RALYL: variants seen among roughly 807,000 people sequenced by gnomAD.
The protein encoded by RALYL is RNA-binding Raly-like protein.
Under a neutral mutation model 35.1 loss-of-function variants are expected in RALYL, and 29 were observed. That is an observed-to-expected ratio of 0.83 (90% CI 0.61 to 1.13). The LOEUF (loss-of-function observed/expected upper bound fraction) is 1.13, where lower values mean the gene tolerates loss of function less well. Among genes scored for constraint, RALYL ranks in the 50% most tolerant of loss-of-function variants. The pLI, the probability that RALYL is intolerant of heterozygous loss-of-function variation, is 0.00. For missense variants in RALYL, 359 were observed against 360.4 expected (o/e 1.00, Z 0.03); for synonymous variants, 120 against 127.6 (o/e 0.94, Z 0.40).
chr8:84,888,242 C>T (rs1843237878), intron 8 of RALYL, among the ~76,000 whole-genome samples: 2 of 152,146 alleles, frequency 1.3e-5, no homozygotes, highest in Non-Finnish European at 2.9e-5. Context: ...TGGTAGATGG[C>T]CAGTTCATCA....
chr8:84,529,561 C>T lies in RALYL; in HGVS notation c.240C>T (p.Ile80=), dbSNP rs760385260. Residue 80 remains isoleucine (I), a synonymous_variant, in exon 2 of 9, where the codon ATC becomes ATT. Coordinates refer to ENST00000521268, the MANE Select transcript of RALYL (RefSeq NM_173848.7). The part of the protein sequence containing the change: ...AAVAGENARV[I]AGQPLDINMA... ...TGGCTGGAGAAAATGCCAGAGTCATCGCCGGCCAACCACTTGGTAAGTCAT... is the reference window on the plus strand; with the variant it reads ...TGGCTGGAGAAAATGCCAGAGTCATTGCCGGCCAACCACTTGGTAAGTCAT... The T allele has an allele frequency of 1.8e-5, 29 of 1,607,100 alleles. No individual in the cohort carries two copies. The highest frequency in any genetic ancestry group is 1.8e-4 in the South Asian group (16 of 90,976).
chr8:84,727,073 G>C (rs950462371), intron 2 of RALYL, among the ~76,000 whole-genome samples: 8 of 152,206 alleles, frequency 5.3e-5, no homozygotes, highest in Admixed American at 3.9e-4. Flanking sequence ...AGAATGAAGA[G>C]GGGTTAAGTT....
At chr8:84,755,262 A>G (rs1811097733) in intron 2 of RALYL, among the ~76,000 whole-genome samples, 1 of 152,176 alleles carries the variant, frequency 6.6e-6, no homozygotes, top group Non-Finnish European at 1.5e-5. Context: ...ATGTCTCACA[A>G]ACCAAATAGC....
intron 1 of RALYL, among the ~76,000 whole-genome samples, chr8:84,517,506 A>G (rs1253748335): frequency 6.6e-6 from 1 of 152,202 alleles, no homozygotes. Flanking sequence ...TTCAACATTA[A>G]AATTATATCA....
intron 1 of RALYL, among the ~76,000 whole-genome samples, chr8:84,508,468 A>C (rs2057353505): frequency 6.6e-6 from 1 of 152,128 alleles, no homozygotes; most frequent in Admixed American, 6.6e-5. Context: ...CATCTACTTC[A>C]CGAGGTTATT....
intron 1 of RALYL, among the ~76,000 whole-genome samples, chr8:84,303,073 T>C (rs1841126564): frequency 6.6e-6 from 1 of 152,208 alleles, no homozygotes; most frequent in Non-Finnish European, 1.5e-5. Flanking sequence ...TCAGGGTACA[T>C]TTTCACTTAT....
intron 1 of RALYL, among the ~76,000 whole-genome samples, chr8:84,331,770 C>T (rs1846865000): frequency 6.6e-6 from 1 of 151,680 alleles, no homozygotes; most frequent in East Asian, 1.9e-4. Flanking sequence ...ACAGTGTTTC[C>T]ATAAATTCTG....
intron 1 of RALYL, among the ~76,000 whole-genome samples, chr8:84,261,713 G>A (rs181983983): frequency 1.1e-3 from 165 of 151,892 alleles, no homozygotes; most frequent in African/African-American, 3.8e-3. Context: ...ATCTGAGCTT[G>A]CTTTTATTAA....
intron 2 of RALYL, among the ~76,000 whole-genome samples, chr8:84,629,194 T>A (rs889665255): frequency 1.3e-5 from 2 of 152,082 alleles, no homozygotes; most frequent in South Asian, 2.1e-4. Flanking sequence ...GACTATTGAC[T>A]GTCCTGCCTT....
chr8:84,580,525 T>G (rs1345621325), intron 2 of RALYL, among the ~76,000 whole-genome samples: 4 of 152,118 alleles, frequency 2.6e-5, no homozygotes, highest in Non-Finnish European at 4.4e-5. Flanking sequence ...CAGCAAGAAG[T>G]CATTCACCTG....
At chr8:84,348,066 C>A (rs1850186725) in intron 1 of RALYL, among the ~76,000 whole-genome samples, 1 of 152,086 alleles carries the variant, frequency 6.6e-6, no homozygotes, top group Non-Finnish European at 1.5e-5. Flanking sequence ...GATCAGTTGG[C>A]AGCCTGTGAT....
intron 6 of RALYL, among the ~76,000 whole-genome samples, chr8:84,866,403 T>G (rs1839182290): frequency 6.6e-6 from 1 of 152,210 alleles, no homozygotes; most frequent in Non-Finnish European, 1.5e-5. Context: ...ATTGAATTAC[T>G]TATGTATATA....
At chr8:84,824,175 G>T (rs949128849) in intron 4 of RALYL, among the ~76,000 whole-genome samples, 1 of 151,858 alleles carries the variant, frequency 6.6e-6, no homozygotes, top group Non-Finnish European at 1.5e-5. Flanking sequence ...TACAAAATCA[G>T]TGTACAAAAA....
chr8:84,242,715 CT>C (rs1828222472), intron 1 of RALYL, among the ~76,000 whole-genome samples: 1 of 151,980 alleles, frequency 6.6e-6, no homozygotes, highest in Admixed American at 6.6e-5. Context: ...GTTTAAGTTC[CT>C]TGTTGACTCT....
intron 2 of RALYL, among the ~76,000 whole-genome samples, chr8:84,756,654 G>T (rs1030054206): frequency 1.1e-4 from 16 of 152,098 alleles, no homozygotes; most frequent in African/African-American, 3.6e-4. Context: ...TCTGAGGAGA[G>T]AAGTTATGCA....
At chr8:84,237,168 A>C (rs1031838185) in intron 1 of RALYL, among the ~76,000 whole-genome samples, 1 of 152,232 alleles carries the variant, frequency 6.6e-6, no homozygotes, top group Non-Finnish European at 1.5e-5. Context: ...CTACACAGCC[A>C]GTTCCAAAGC....
intron 2 of RALYL, among the ~76,000 whole-genome samples, chr8:84,555,045 C>T (rs2061003600): frequency 6.6e-6 from 1 of 152,140 alleles, no homozygotes; most frequent in South Asian, 2.1e-4. Context: ...CTTTGGGAGG[C>T]TAAGGCGGGC....
intron 1 of RALYL, among the ~76,000 whole-genome samples, chr8:84,361,688 G>T (rs988634397): frequency 2.6e-5 from 4 of 152,134 alleles, no homozygotes; most frequent in African/African-American, 9.6e-5. Flanking sequence ...TGTGGGGAAA[G>T]CAGGAATCAA....
At chr8:84,565,426 T>C (rs2061717816) in intron 2 of RALYL, among the ~76,000 whole-genome samples, 2 of 151,570 alleles carry the variant, frequency 1.3e-5, no homozygotes, top group Non-Finnish European at 3.0e-5. Context: ...CTGGGTCTTA[T>C]GAAATTAAAG....
Sources: gnomAD v4.1 joint callset for allele counts (sites outside exome capture counted in the v4.1 genomes callset) on GRCh38, gnomAD v4.1.1 for gene constraint, MANE v1.5 for transcripts, NCBI Gene and HGNC (gene_info 2026-07-23, HGNC 2026-07-21) for gene names.